The following INSC variants were observed in gnomAD, a reference collection of about 807,000 sequenced individuals.
The protein encoded by INSC is INSC spindle orientation adaptor protein.
Under a neutral mutation model 58.6 loss-of-function variants are expected in INSC, and 67 were observed. That is an observed-to-expected ratio of 1.14 (90% CI 0.94 to 1.40). The LOEUF is 1.40. Among genes scored for constraint, INSC ranks in the 40% most tolerant of loss-of-function variants. The pLI, the probability that INSC is intolerant of heterozygous loss-of-function variation, is 0.00. For missense variants in INSC, 714 were observed against 692.0 expected, an observed-to-expected ratio of 1.03 and a Z score of -0.36; for synonymous variants, 262 against 276.1, an observed-to-expected ratio of 0.95 and a Z score of 0.51.
chr11:15,127,265 C>T (rs1373209199), intron 1 of INSC, among the ~76,000 whole-genome samples: 2 of 152,236 alleles, frequency 1.3e-5, no homozygotes, highest in African/African-American at 4.8e-5. Flanking sequence ...TGTTTTCTTG[C>T]TGTCCTAAGA....
At chr11:15,132,953 T>A (rs1204108603) in intron 1 of INSC, among the ~76,000 whole-genome samples, 1 of 152,200 alleles carries the variant, frequency 6.6e-6, no homozygotes, top group African/African-American at 2.4e-5. Context: ...ATTAATGTTA[T>A]GAGTTGTCTA....
chr11:15,132,678 A>G (rs764136426), intron 1 of INSC, among the ~76,000 whole-genome samples: 1 of 152,210 alleles, frequency 6.6e-6, no homozygotes, highest in Non-Finnish European at 1.5e-5. Flanking sequence ...CAAACCTTCC[A>G]TATGATATTA....
intron 2 of INSC, among the ~76,000 whole-genome samples, chr11:15,165,171 A>G (rs1043226284): frequency 6.6e-6 from 1 of 152,260 alleles, no homozygotes; most frequent in Admixed American, 6.5e-5. Context: ...AGGGGTTGTC[A>G]TATAGTTACT....
intron 2 of INSC, among the ~76,000 whole-genome samples, chr11:15,157,428 C>G (rs145303249): frequency 1.3e-5 from 2 of 152,296 alleles, no homozygotes; most frequent in African/African-American, 4.8e-5. Context: ...TTCGTACTTG[C>G]AAAGGAAGGA....
chr11:15,252,959 G>C, the INSC span, among the ~76,000 whole-genome samples: 74 of 152,180 alleles, frequency 4.9e-4, no homozygotes, highest in African/African-American at 1.7e-3. Flanking sequence ...GTGTCCCACT[G>C]CCATCAAAAT....
intron 5 of INSC, among the ~76,000 whole-genome samples, chr11:15,180,348 T>C (rs7924749): frequency 0.063 from 9,515 of 152,148 alleles, 975 homozygotes; most frequent in African/African-American, 0.22. Flanking sequence ...CAGCTGGGTT[T>C]GGAATTAGTC....
downstream of INSC, among the ~76,000 whole-genome samples, chr11:15,250,184 A>C (rs565993201): frequency 5.3e-5 from 8 of 152,148 alleles, no homozygotes; most frequent in Admixed American, 5.2e-4. Flanking sequence ...AAGAGTCACC[A>C]CTAGTTGGAA....
rs1432802497 is a variant in INSC at position 15,187,878 on chromosome 11, A to G, written c.580-2823A>G. Among the ~76,000 whole-genome samples, 3 of 152,280 alleles carry G rather than the reference A, an allele frequency of 2.0e-5. No individual in the cohort carries two copies. The South Asian group carries it at 6.2e-4, about 32-fold the overall frequency. On this transcript the variant is annotated intron_variant, in intron 5 of 12. Transcript: ENST00000379556. ...ATGTCTTCTTGATTTCCTGAAAAAA[A>G]TCACCTTGATTTTGTAGAGACTGTG...
At chr11:15,244,790 C>T (rs1246136750) in intron 12 of INSC, among the ~76,000 whole-genome samples, 2 of 152,160 alleles carry the variant, frequency 1.3e-5, no homozygotes, top group Non-Finnish European at 2.9e-5. Flanking sequence ...TATTCCCCCA[C>T]TCTTTTTGCT....
chr11:15,205,070 C>T (rs1366316641), intron 7 of INSC, among the ~76,000 whole-genome samples: 2 of 152,174 alleles, frequency 1.3e-5, no homozygotes, highest in Non-Finnish European at 2.9e-5. Context: ...TCTGCTTCTT[C>T]ATTCCTTCTG....
chr11:15,241,438 T>G (rs541250985), intron 12 of INSC: 1 of 552,584 alleles, frequency 1.8e-6, no homozygotes, highest in South Asian at 2.5e-5. Context: ...AGTGGGGCAT[T>G]GCAGTCAATC....
intron 2 of INSC, among the ~76,000 whole-genome samples, chr11:15,163,305 C>T (rs1003159928): frequency 6.6e-6 from 1 of 152,144 alleles, no homozygotes; most frequent in Non-Finnish European, 1.5e-5. Context: ...AATTTCTTCC[C>T]TCCCTGCCTC....
chr11:15,166,077 A>G (rs971673120), intron 2 of INSC, among the ~76,000 whole-genome samples: 2 of 152,198 alleles, frequency 1.3e-5, no homozygotes, highest in African/African-American at 4.8e-5. Context: ...TGTTTCATTG[A>G]ATTAAGTTGA....
intron 1 of INSC, among the ~76,000 whole-genome samples, chr11:15,135,770 C>G (rs1461043598): frequency 6.6e-6 from 1 of 152,174 alleles, no homozygotes; most frequent in Non-Finnish European, 1.5e-5. Flanking sequence ...GCTGCTATAA[C>G]AGAATGTATA....
At chr11:15,159,790 T>C (rs985268908) in intron 2 of INSC, among the ~76,000 whole-genome samples, 7 of 152,220 alleles carry the variant, frequency 4.6e-5, no homozygotes, top group Non-Finnish European at 1.0e-4. Flanking sequence ...CACAGGGTCA[T>C]TGTGAGAATC....
intron 1 of INSC, among the ~76,000 whole-genome samples, chr11:15,135,043 A>G (rs1288465484): frequency 6.6e-6 from 1 of 152,128 alleles, no homozygotes; most frequent in Non-Finnish European, 1.5e-5. Context: ...AGGGTGTTTG[A>G]AGAGAGCTGC....
Position 15,246,005 on chromosome 11 carries a change from T to TGCAGCAACA in INSC, c.1564_1565insGCAGCAACA (p.Leu522delinsCysSerAsnIle). 1 of 1,614,194 alleles carries TGCAGCAACA rather than the reference T, an allele frequency of 6.2e-7. No individual in the cohort carries two copies. The highest frequency in any genetic ancestry group is 2.2e-5 in the East Asian group (1 of 44,884). On this transcript the variant is annotated protein_altering_variant, in exon 13 of 13. Coordinates refer to ENST00000379556, the MANE Select transcript of INSC (RefSeq NM_001042536.3). ...CCAGCCTCGGCTGGTGGACTCCTTC[T>TGCAGCAACA]TACTCTGCAGCAACATGGAGGAGAG... is the stretch of plus-strand genomic sequence containing the variant.
rs189690405 is a variant in INSC, at chr11:15,158,824, C to G, written c.56+9594C>G. ...TCCTTGCTGGAACTCAACACTTCAA[C>G]TGCTCTTATAATTATAACCAGATGA... On this transcript the variant is annotated intron_variant, in intron 2 of 12. Coordinates refer to ENST00000379556, the MANE Select transcript of INSC (RefSeq NM_001042536.3). Among the ~76,000 whole-genome samples the G allele has an allele frequency of 3.4e-5, 5 of 148,356 alleles. No individual in the cohort carries two copies. In the East Asian group the frequency reaches 9.8e-4, roughly 29 times the overall value.
chr11:15,189,513 C>T (rs890075708), intron 5 of INSC, among the ~76,000 whole-genome samples: 1 of 152,090 alleles, frequency 6.6e-6, no homozygotes, highest in African/African-American at 2.4e-5. Flanking sequence ...AACTCATAGG[C>T]ACGTGCCACT....
Sources: gnomAD v4.1 joint callset for allele counts (sites outside exome capture counted in the v4.1 genomes callset) on GRCh38, gnomAD v4.1.1 for gene constraint, MANE v1.5 for transcripts, NCBI Gene and HGNC (gene_info 2026-07-23, HGNC 2026-07-21) for gene names.